GOLIM4: variants seen among roughly 807,000 people sequenced by gnomAD.
GOLIM4 encodes the protein 130 kDa golgi-localized phosphoprotein.
A neutral mutation model predicts 107.4 loss-of-function variants in GOLIM4; 71 were observed. The ratio of observed to expected loss-of-function variants is 0.66; its 90% CI spans 0.55 to 0.81. The LOEUF (loss-of-function observed/expected upper bound fraction) is 0.81. Among genes scored for constraint, GOLIM4 ranks in the 30% least tolerant of loss-of-function variants. The pLI is 0.00. For synonymous variants in GOLIM4, 327 were observed against 294.8 expected (o/e 1.11, Z -1.12); for missense variants, 830 against 826.1 (o/e 1.00, Z -0.06).
At chr3:168,049,655 C>G (rs187397643) in intron 1 of GOLIM4, among the ~76,000 whole-genome samples, 1 of 152,130 alleles carries the variant, frequency 6.6e-6, no homozygotes, top group Non-Finnish European at 1.5e-5. Context: ...CAGAACAGCC[C>G]CAACACTACT....
At chr3:168,020,646 ATCT>A (rs1309046993) in intron 14 of GOLIM4, among the ~76,000 whole-genome samples, 2 of 152,186 alleles carry the variant, frequency 1.3e-5, no homozygotes, top group African/African-American at 4.8e-5. Context: ...TGTCAATATA[ATCT>A]TATTTAGAGA....
rs1458072377 is a variant in GOLIM4 at position 168,036,964 on chromosome 3, C to T, written c.715G>A (p.Asp239Asn). 1 of 1,586,222 alleles carries T rather than the reference C, an allele frequency of 6.3e-7. No homozygotes were observed. Among genetic ancestry groups the T allele is most frequent in the East Asian group, 2.2e-5 (1 of 44,700 alleles). ...AGGCTTGGAATCCTATTCAGAGTAT[C>T]TTTCAGTTGTTTATATTCTGCAACT... The part of the protein sequence containing the change: ...TQVAEYKQLK[D>N]TLNRIPSLRK... The change falls in exon 8 of 16, where the codon GAT (aspartate) becomes AAT (asparagine). Residue 239 changes from aspartate to asparagine, a missense_variant. Physicochemically the swap from Asp to Asn is conservative, Grantham distance 23 (BLOSUM62 1). Transcript: ENST00000470487.
intron 1 of GOLIM4, among the ~76,000 whole-genome samples, chr3:168,085,083 AT>A (rs758620446): frequency 1.3e-5 from 2 of 152,222 alleles, no homozygotes; most frequent in Admixed American, 1.3e-4. Context: ...AAAGAGATAC[AT>A]TGGGGGAAGT....
intron 1 of GOLIM4, among the ~76,000 whole-genome samples, chr3:168,075,075 T>C (rs970100500): frequency 2.0e-5 from 3 of 152,132 alleles, no homozygotes; most frequent in African/African-American, 7.2e-5. Flanking sequence ...CCTTTTGTTC[T>C]GATTGATGCC....
chr3:168,009,608 A>G lies in GOLIM4; in HGVS notation c.*661T>C, dbSNP rs1716876889. 2 of 152,302 alleles carry G rather than the reference A, an allele frequency of 1.3e-5. No homozygotes were observed. The highest frequency in any genetic ancestry group is 1.3e-4 in the Admixed American group (2 of 15,290). The allele number at this position is 152,302 out of a possible 1,614,324, so 9.4% of individuals were successfully genotyped here. ...CCAGGATACTGCCACATGAGTTTTA[A>G]TACTCTCTCATTTTTAAATTCAATT... is the stretch of plus-strand genomic sequence containing the variant. On this transcript the variant is annotated 3_prime_UTR_variant, in exon 16 of 16. Coordinates refer to ENST00000470487, the MANE Select transcript of GOLIM4 (RefSeq NM_014498.5).
rs1296726395 is a variant in GOLIM4, at chr3:168,029,262, G to C, written c.1474C>G (p.Gln492Glu). The change falls in exon 11 of 16, where the codon CAG becomes GAG. Residue 492 changes from glutamine to glutamate, a missense_variant. Transcript: ENST00000470487. ...HYDAMDNDIV[Q>E]GAEDQGIQGE... ...TGGATTCCCTGGTCCTCTGCTCCCTGAACGATATCATTATCCATAGCATCA... is the reference window on the plus strand; with the variant it reads ...TGGATTCCCTGGTCCTCTGCTCCCTCAACGATATCATTATCCATAGCATCA... 1 of 1,610,862 alleles carries C rather than the reference G, an allele frequency of 6.2e-7. No homozygotes were observed. Among genetic ancestry groups the C allele is most frequent in the African/African-American group, 1.3e-5 (1 of 74,842 alleles).
chr3:168,026,081 C>T (rs1030077929), intron 12 of GOLIM4, among the ~76,000 whole-genome samples: 1 of 152,184 alleles, frequency 6.6e-6, no homozygotes, highest in Admixed American at 6.5e-5. Context: ...GATTCTACTT[C>T]AATTCACTTA....
In GOLIM4 at chr3:168,040,850, A is replaced by G; in HGVS notation, c.620T>C (p.Leu207Pro). 6.2e-7 allele frequency: 1 copy of G among 1,611,754 alleles called. No individual in the cohort carries two copies. The highest frequency in any genetic ancestry group is 8.5e-7 in the Non-Finnish European group (1 of 1,177,934). Residue 207 changes from leucine to proline, a missense_variant, in exon 7 of 16, where the codon CTC becomes CCC. Physicochemically the swap from Leu to Pro is moderately conservative, Grantham distance 98. Coordinates refer to ENST00000470487, the MANE Select transcript of GOLIM4 (RefSeq NM_014498.5). Reference protein sequence around the residue: ...QDVKQQHKNLLSEHEQLVVTL... With the variant: ...QDVKQQHKNLPSEHEQLVVTL... ...CACTACAAGTTGTTCATGCTCGGAG[A>G]GTAAATTCTTATGCTGTTGCTACAC...
chr3:168,086,366 C>T (rs535606885), intron 1 of GOLIM4, among the ~76,000 whole-genome samples: 29 of 152,248 alleles, frequency 1.9e-4, no homozygotes, highest in African/African-American at 6.5e-4. Context: ...CAAGAGAACA[C>T]ATAAGCAATG....
At chr3:168,023,327 G>C (rs1187029565) in intron 14 of GOLIM4, among the ~76,000 whole-genome samples, 7 of 152,102 alleles carry the variant, frequency 4.6e-5, no homozygotes, top group Non-Finnish European at 1.0e-4. Flanking sequence ...GACAGCCAAG[G>C]GTCTTGATTA....
chr3:168,063,428 A>C lies in GOLIM4; in HGVS notation c.188-15063T>G, dbSNP rs538295198. On this transcript the variant is annotated intron_variant, in intron 1 of 15. Transcript: ENST00000470487. Reference sequence around the variant, plus strand: ...ATAGCACTTTTAGGTTCATAGCAAAATTGAAAGAAAGGTACAGAGATTTCC... The same window carrying C: ...ATAGCACTTTTAGGTTCATAGCAAACTTGAAAGAAAGGTACAGAGATTTCC... Among the ~76,000 whole-genome samples, 23 of 152,266 alleles carry C rather than the reference A, an allele frequency of 1.5e-4. 1 individual carries two copies. The South Asian group carries it at 2.9e-3, about 19-fold the overall frequency.
chr3:168,051,662 T>C (rs1308464141), intron 1 of GOLIM4, among the ~76,000 whole-genome samples: 1 of 152,132 alleles, frequency 6.6e-6, no homozygotes, highest in Non-Finnish European at 1.5e-5. Flanking sequence ...ATGTAGAAAC[T>C]ATGAGGTAAT....
Position 168,095,517 on chromosome 3 carries a change from C to G in GOLIM4, c.-232G>C, listed in dbSNP as rs1024814621. The G allele has an allele frequency of 2.2e-5, 11 of 493,514 alleles. No individual in the cohort carries two copies. Among genetic ancestry groups the G allele is most frequent in the East Asian group, 1.5e-4 (4 of 26,134 alleles). The allele number at this position is 493,514 out of a possible 1,614,324, so 30.6% of individuals were successfully genotyped here. ...GCTGCAGCCAAACTTCTGCGAGGCT[C>G]GTTCTCCGCGAATGCCCGGGGCCGG... On this transcript the variant is annotated 5_prime_UTR_variant, in exon 1 of 16. Coordinates refer to ENST00000470487, the MANE Select transcript of GOLIM4 (RefSeq NM_014498.5).
At chr3:168,076,931 C>A (rs1013942951) in intron 1 of GOLIM4, among the ~76,000 whole-genome samples, 2 of 152,148 alleles carry the variant, frequency 1.3e-5, no homozygotes, top group Non-Finnish European at 2.9e-5. Flanking sequence ...GTTATGGACA[C>A]TAGGTGCTTC....
chr3:168,088,083 C>A (rs909935255), intron 1 of GOLIM4, among the ~76,000 whole-genome samples: 1 of 152,028 alleles, frequency 6.6e-6, no homozygotes, highest in African/African-American at 2.4e-5. Context: ...GCAAAAGTAG[C>A]AAAACCACTT....
rs373725217 is a variant in GOLIM4, at chr3:168,029,265, C to T, written c.1471G>A (p.Val491Ile). 36 of 1,610,662 alleles carry T rather than the reference C, an allele frequency of 2.2e-5. No homozygotes were observed. In the East Asian group the frequency reaches 4.7e-4, roughly 21 times the overall value. Residue 491 changes from valine to isoleucine, a missense_variant, in exon 11 of 16, where the codon GTT becomes ATT. By Grantham distance (29) the Val-to-Ile change is conservative. Coordinates refer to ENST00000470487, the MANE Select transcript of GOLIM4 (RefSeq NM_014498.5). ...AHYDAMDNDI[V>I]QGAEDQGIQG... ...ATTCCCTGGTCCTCTGCTCCCTGAA[C>T]GATATCATTATCCATAGCATCATAA...
chr3:168,043,358 G>A (rs1719126329), intron 5 of GOLIM4, 21 bp downstream of exon 5: 1 of 1,558,274 alleles, frequency 6.4e-7, no homozygotes, highest in Non-Finnish European at 8.8e-7. Context: ...AGATAAACTG[G>A]CTAATCAGAT....
chr3:168,094,466 T>C (rs572109454), intron 1 of GOLIM4, among the ~76,000 whole-genome samples: 2 of 152,304 alleles, frequency 1.3e-5, no homozygotes, highest in African/African-American at 2.4e-5. Context: ...GGATGGTGAA[T>C]GGTATGTAGT....
chr3:168,012,946 T>C (rs1717141655), intron 14 of GOLIM4, among the ~76,000 whole-genome samples: 1 of 149,950 alleles, frequency 6.7e-6, no homozygotes, highest in Non-Finnish European at 1.5e-5. Context: ...TGCCAAATTG[T>C]AAAGACCATC....
Sources: gnomAD v4.1 joint callset for allele counts (sites outside exome capture counted in the v4.1 genomes callset) on GRCh38, gnomAD v4.1.1 for gene constraint, MANE v1.5 for transcripts, NCBI Gene and HGNC (gene_info 2026-07-23, HGNC 2026-07-21) for gene names.